Variants in PAPPA2 observed in about 807,000 individuals in gnomAD.
PAPPA2 encodes the protein pappalysin 2.
PAPPA2 carries 86 observed loss-of-function variants against 176.4 expected under a neutral mutation model. The observed-to-expected ratio is 0.49, with a 90% CI of 0.41 to 0.58. The LOEUF is 0.58. PAPPA2 is among the 20% of genes least tolerant of loss of function. The pLI, the probability that PAPPA2 is intolerant of heterozygous loss-of-function variation, is 0.00. For synonymous variants in PAPPA2, 809 were observed against 852.2 expected, an observed-to-expected ratio of 0.95 and a Z score of 0.88; for missense variants, 2,073 against 2,256.9, an observed-to-expected ratio of 0.92 and a Z score of 1.65.
chr1:176,507,428 AT>A (rs1486218087), intron 1 of PAPPA2, among the ~76,000 whole-genome samples: 1 of 152,180 alleles, frequency 6.6e-6, no homozygotes, highest in Non-Finnish European at 1.5e-5. Context: ...CAACAATCTC[AT>A]TACTGGGTAT....
chr1:176,700,541 A>C (rs546656639), intron 8 of PAPPA2, among the ~76,000 whole-genome samples: 2 of 152,214 alleles, frequency 1.3e-5, no homozygotes, highest in African/African-American at 4.8e-5. Flanking sequence ...GACAGCTGGC[A>C]TGGCTGGGGA....
chr1:176,593,115 T>G (rs1653758149), intron 2 of PAPPA2, among the ~76,000 whole-genome samples: 1 of 152,198 alleles, frequency 6.6e-6, no homozygotes, highest in Non-Finnish European at 1.5e-5. Context: ...GGAGGAAATA[T>G]TTTTGCTAAA....
chr1:176,767,695 C>A (rs1274707315), intron 15 of PAPPA2, among the ~76,000 whole-genome samples: 1 of 152,174 alleles, frequency 6.6e-6, no homozygotes, highest in African/African-American at 2.4e-5. Flanking sequence ...TAGAGCCAGA[C>A]TTGCAGGCTG....
Position 176,594,935 on chromosome 1 carries a change from A to G in PAPPA2, c.1331A>G (p.His444Arg). Reference protein sequence around the residue: ...PQSHFQHSSQHSSGEEEATDL... With the variant: ...PQSHFQHSSQRSSGEEEATDL... The stretch of plus-strand genomic sequence containing the variant: ...AGCCATTTTCAGCACAGTTCTCAGC[A>G]TTCAAGTGGGGAGGAGGAAGCGACT... The change falls in exon 3 of 23, where the codon CAT becomes CGT. Residue 444 changes from histidine (H) to arginine (R), a missense_variant. This residue lies in a region of PAPPA2 where 1,196 missense variants were observed against 1,330.4 expected (regional missense o/e 0.90). Transcript: ENST00000367662. The G allele has an allele frequency of 1.2e-6, 2 of 1,614,228 alleles. No homozygotes were observed. The highest frequency in any genetic ancestry group is 1.7e-6 in the Non-Finnish European group (2 of 1,180,042).
intron 21 of PAPPA2, among the ~76,000 whole-genome samples, chr1:176,837,456 G>A (rs1395221589): frequency 7.4e-6 from 1 of 135,058 alleles, no homozygotes; most frequent in Non-Finnish European, 1.5e-5. Flanking sequence ...AATGACTTTG[G>A]GTTCTATATG....
intron 17 of PAPPA2, among the ~76,000 whole-genome samples, chr1:176,785,014 C>T (rs775243563): frequency 6.6e-6 from 1 of 152,128 alleles, no homozygotes; most frequent in Non-Finnish European, 1.5e-5. Context: ...AGACCCTACT[C>T]CCTAAAATAC....
intron 21 of PAPPA2, among the ~76,000 whole-genome samples, chr1:176,836,473 T>C (rs1667274921): frequency 6.6e-6 from 1 of 152,238 alleles, no homozygotes; most frequent in Admixed American, 6.5e-5. Flanking sequence ...AGCATGGTCT[T>C]GAGTTCTGTT....
intron 3 of PAPPA2, among the ~76,000 whole-genome samples, chr1:176,639,678 A>C (rs1656951101): frequency 6.6e-6 from 1 of 151,794 alleles, no homozygotes; most frequent in South Asian, 2.1e-4. Flanking sequence ...GAAACATAAT[A>C]AAAGTGGCCA....
chr1:176,675,327 C>A (rs566102392), intron 4 of PAPPA2, among the ~76,000 whole-genome samples: 1 of 151,896 alleles, frequency 6.6e-6, no homozygotes, highest in Non-Finnish European at 1.5e-5. Context: ...TGATGATAAA[C>A]CAAACAAACA....
chr1:176,470,559 T>C (rs1212964071), intron 1 of PAPPA2, among the ~76,000 whole-genome samples: 1 of 152,128 alleles, frequency 6.6e-6, no homozygotes, highest in South Asian at 2.1e-4. Flanking sequence ...AGGCTGACTC[T>C]AGGCTGCATG....
intron 4 of PAPPA2, among the ~76,000 whole-genome samples, chr1:176,677,239 T>C (rs1300497596): frequency 6.6e-6 from 1 of 152,152 alleles, no homozygotes; most frequent in Non-Finnish European, 1.5e-5. Context: ...TTTTTGAGAC[T>C]CAAGATGAAA....
intron 1 of PAPPA2, among the ~76,000 whole-genome samples, chr1:176,518,397 A>C (rs1308670115): frequency 1.3e-5 from 2 of 152,020 alleles, no homozygotes; most frequent in Non-Finnish European, 2.9e-5. Flanking sequence ...TGGAATGTCC[A>C]GAAGGACTTC....
intron 12 of PAPPA2, among the ~76,000 whole-genome samples, chr1:176,729,605 G>T (rs866874580): frequency 4.0e-5 from 6 of 151,872 alleles, no homozygotes; most frequent in African/African-American, 1.4e-4. Context: ...CCCTAACATC[G>T]CAATTAGAAG....
chr1:176,807,370 A>G (rs1429535696), intron 21 of PAPPA2, among the ~76,000 whole-genome samples: 1 of 152,138 alleles, frequency 6.6e-6, no homozygotes, highest in Non-Finnish European at 1.5e-5. Context: ...CTACCTAAGT[A>G]TTTTGATTTT....
At chr1:176,576,205 G>A (rs1380688634) in intron 2 of PAPPA2, among the ~76,000 whole-genome samples, 2 of 152,166 alleles carry the variant, frequency 1.3e-5, no homozygotes, top group Non-Finnish European at 2.9e-5. Context: ...CAGTGCATGA[G>A]TGTGCCCTTT....
At chr1:176,666,999 A>ACTTTGATTAGGG (rs1658698690) in intron 3 of PAPPA2, among the ~76,000 whole-genome samples, 1 of 152,150 alleles carries the variant, frequency 6.6e-6, no homozygotes. Context: ...TAATCCCAGC[A>ACTTTGATTAGGG]CTTTGGGAGG....
intron 3 of PAPPA2, among the ~76,000 whole-genome samples, chr1:176,653,893 G>T (rs1481612882): frequency 6.6e-6 from 1 of 151,658 alleles, no homozygotes; most frequent in Non-Finnish European, 1.5e-5. Context: ...TTCTCCCTTG[G>T]CTTTGGAGAT....
At chr1:176,471,096 G>A (rs1336332269) in intron 1 of PAPPA2, among the ~76,000 whole-genome samples, 1 of 152,130 alleles carries the variant, frequency 6.6e-6, no homozygotes, top group African/African-American at 2.4e-5. Flanking sequence ...AAGAACACAG[G>A]AAGGGAAGTG....
chr1:176,715,263 G>A (rs1010023265), intron 12 of PAPPA2, among the ~76,000 whole-genome samples: 4 of 152,242 alleles, frequency 2.6e-5, no homozygotes, highest in Middle Eastern at 3.4e-3. Context: ...TCCCAAGGTC[G>A]CAGCAAGGTA....
Sources: allele counts gnomAD v4.1 joint callset (sites outside exome capture counted in the v4.1 genomes callset), GRCh38; gene constraint gnomAD v4.1.1; regional missense constraint gnomAD v4.1.1; transcripts MANE v1.5; gene names NCBI Gene and HGNC (gene_info 2026-07-23, HGNC 2026-07-21).